RFX6: variants seen among roughly 807,000 people sequenced by gnomAD.
The protein encoded by RFX6 is DNA-binding protein RFX6.
A neutral mutation model predicts 110.8 loss-of-function variants in RFX6; 50 were observed. The ratio of observed to expected loss-of-function variants is 0.45; its 90% CI spans 0.36 to 0.57. The LOEUF is 0.57. RFX6 is among the 20% of genes least tolerant of loss of function. The probability of loss-of-function intolerance (pLI) is 0.00; values close to 1 mark genes in which losing one functional copy is unlikely to be tolerated. For missense variants in RFX6, 990 were observed against 1,127.0 expected (o/e 0.88, Z 1.74); for synonymous variants, 383 against 411.2 (o/e 0.93, Z 0.83).
chr6:116,882,528 T>G, intron 4 of RFX6, 100 bp downstream of exon 4: 1 of 834,442 alleles, frequency 1.2e-6, no homozygotes, highest in Admixed American at 1.8e-5. Context: ...GAGAACCAGG[T>G]ATTCTCTTGA....
chr6:116,916,401 A>G (rs1383167156), intron 9 of RFX6, 87 bp downstream of exon 9: 4 of 869,988 alleles, frequency 4.6e-6, no homozygotes, highest in African/African-American at 1.7e-5. Context: ...TTTTCAGTAA[A>G]TATGTTATTT....
At chr6:116,888,581 G>A (rs975629329) in intron 4 of RFX6, among the ~76,000 whole-genome samples, 1 of 152,090 alleles carries the variant, frequency 6.6e-6, no homozygotes, top group Non-Finnish European at 1.5e-5. Context: ...AATAGAAATG[G>A]ATAATAATCA....
intron 6 of RFX6, among the ~76,000 whole-genome samples, chr6:116,908,689 GACACACAC>G (rs35170155): frequency 2.7e-4 from 32 of 119,010 alleles, no homozygotes; most frequent in East Asian, 2.0e-3. Context: ...CACACACACA[GACACACAC>G]ACACACACAC....
At chr6:116,912,364 C>G (rs1430083195) in intron 7 of RFX6, among the ~76,000 whole-genome samples, 1 of 151,734 alleles carries the variant, frequency 6.6e-6, no homozygotes, top group African/African-American at 2.4e-5. Flanking sequence ...GTAAAATATA[C>G]CCTTAAAAAA....
Position 116,932,142 on chromosome 6 carries a change from A to C in RFX6, c.*636A>C, listed in dbSNP as rs1265663502. The stretch of plus-strand genomic sequence containing the variant: ...TATTTAAAAAAGATTAAAAGGAATA[A>C]AAGAAATAATGTATGGAAATATTTT... On this transcript the variant is annotated 3_prime_UTR_variant, in exon 19 of 19. Coordinates refer to ENST00000332958, the MANE Select transcript of RFX6 (RefSeq NM_173560.4). 6.5e-6 allele frequency: 1 copy of C among 152,708 alleles called. No individual in the cohort carries two copies. Among genetic ancestry groups the C allele is most frequent in the Non-Finnish European group, 1.5e-5 (1 of 68,094 alleles). 9.5% of individuals were successfully genotyped at this position (152,708 alleles called of 1,614,324 possible). A position where few individuals can be genotyped will look rare whatever the true frequency, so the allele number is the denominator to read the frequency against.
chr6:116,883,648 A>T (rs1180263973), intron 4 of RFX6, among the ~76,000 whole-genome samples: 1 of 152,160 alleles, frequency 6.6e-6, no homozygotes, highest in Non-Finnish European at 1.5e-5. Flanking sequence ...TTTTACACTT[A>T]CATCACATCT....
chr6:116,901,527 G>A (rs1775074681), intron 6 of RFX6, among the ~76,000 whole-genome samples: 1 of 152,272 alleles, frequency 6.6e-6, no homozygotes, highest in African/African-American at 2.4e-5. Flanking sequence ...TTATAGCAAA[G>A]TATATGAAGA....
chr6:116,893,314 A>G (rs943424223), intron 4 of RFX6, among the ~76,000 whole-genome samples: 4 of 152,184 alleles, frequency 2.6e-5, no homozygotes, highest in Non-Finnish European at 5.9e-5. Context: ...GACTTAGGAG[A>G]ATAAGCCATA....
intron 4 of RFX6, among the ~76,000 whole-genome samples, chr6:116,888,808 A>C (rs1774756432): frequency 6.6e-6 from 1 of 152,168 alleles, no homozygotes; most frequent in Non-Finnish European, 1.5e-5. Flanking sequence ...TCATCTATTA[A>C]CCACAAAATA....
At chr6:116,921,569 A>T (rs905423747) in intron 12 of RFX6, among the ~76,000 whole-genome samples, 3 of 152,152 alleles carry the variant, frequency 2.0e-5, no homozygotes. Context: ...AATTTCGGGC[A>T]CACTTCAAGA....
chr6:116,897,011 C>A (rs1774962789), intron 6 of RFX6, among the ~76,000 whole-genome samples: 1 of 152,066 alleles, frequency 6.6e-6, no homozygotes, highest in Non-Finnish European at 1.5e-5. Flanking sequence ...CAGAGCTTTA[C>A]AGTATAGCAG....
In RFX6 at chr6:116,907,857, A is replaced by G. The variant is rs938499206; in HGVS notation, c.673-3078A>G. Among the ~76,000 whole-genome samples, 3 of 151,824 alleles carry G rather than the reference A, an allele frequency of 2.0e-5. No individual in the cohort carries two copies. In the East Asian group the frequency reaches 5.8e-4, roughly 29 times the overall value. On this transcript the variant is annotated intron_variant, in intron 6 of 18. Coordinates refer to ENST00000332958, the MANE Select transcript of RFX6 (RefSeq NM_173560.4). ...TCCAACAATTATTGTAAAACTGTTC[A>G]TTTCTCCCTTTAATTTTGTCAATTT...
chr6:116,900,041 C>T (rs967503062), intron 6 of RFX6, among the ~76,000 whole-genome samples: 10 of 151,910 alleles, frequency 6.6e-5, no homozygotes, highest in African/African-American at 2.4e-4. Context: ...GAAAGGAGTA[C>T]CAAATAAACA....
chr6:116,929,830 C>A (rs1278171861), intron 18 of RFX6, among the ~76,000 whole-genome samples: 1 of 152,162 alleles, frequency 6.6e-6, no homozygotes, highest in Non-Finnish European at 1.5e-5. Context: ...GCAACCAGAG[C>A]ATAAGGGAAA....
intron 9 of RFX6, among the ~76,000 whole-genome samples, chr6:116,917,436 G>C (rs1317683149): frequency 6.6e-6 from 1 of 151,672 alleles, no homozygotes; most frequent in Non-Finnish European, 1.5e-5. Context: ...ACTTGACAAG[G>C]CTCCCAAAAG....
At chr6:116,895,111 T>C (rs932380336) in intron 5 of RFX6, 69 bp from the exon 6 acceptor site, 2 of 823,914 alleles carry the variant, frequency 2.4e-6, no homozygotes. Context: ...CTTTAGGTTG[T>C]CTACATATCA....
At chr6:116,921,220 A>G (rs912910565) in intron 12 of RFX6, among the ~76,000 whole-genome samples, 1 of 152,238 alleles carries the variant, frequency 6.6e-6, no homozygotes, top group African/African-American at 2.4e-5. Flanking sequence ...AAATAGGATT[A>G]CCTTTTGAGA....
intron 6 of RFX6, among the ~76,000 whole-genome samples, chr6:116,909,464 C>A (rs951788832): frequency 2.0e-5 from 3 of 151,948 alleles, no homozygotes; most frequent in African/African-American, 7.2e-5. Flanking sequence ...TTGACAGTAA[C>A]ATTCCTTGAC....
chr6:116,896,451 C>A (rs146540340), intron 6 of RFX6, among the ~76,000 whole-genome samples: 1 of 152,242 alleles, frequency 6.6e-6, no homozygotes, highest in East Asian at 1.9e-4. Flanking sequence ...TTTCTAAAGG[C>A]TCAGAACTAC....
Sources: gnomAD v4.1 joint callset for allele counts (sites outside exome capture counted in the v4.1 genomes callset) on GRCh38, gnomAD v4.1.1 for gene constraint, MANE v1.5 for transcripts, NCBI Gene and HGNC (gene_info 2026-07-23, HGNC 2026-07-21) for gene names.